ITGBL1: variants seen among roughly 807,000 people sequenced by gnomAD.
The protein encoded by ITGBL1 is integrin subunit beta like 1.
In ITGBL1, 51 loss-of-function variants were observed where a neutral mutation model predicts 68.5. The observed-to-expected ratio is 0.74, with a 90% confidence interval of 0.59 to 0.94. ITGBL1 has a LOEUF of 0.94. ITGBL1 is among the 40% of genes least tolerant of loss of function. ITGBL1 has a pLI of 0.00. For missense variants in ITGBL1, 649 were observed against 647.4 expected, an observed-to-expected ratio of 1.00 and a Z score of -0.03; for synonymous variants, 209 against 227.3, an observed-to-expected ratio of 0.92 and a Z score of 0.72.
intron 2 of ITGBL1, among the ~76,000 whole-genome samples, chr13:101,461,335 T>C (rs1165417277): frequency 6.6e-6 from 1 of 152,158 alleles, no homozygotes. Flanking sequence ...GAGCCTCATA[T>C]ACATATTGTT....
intron 8 of ITGBL1, among the ~76,000 whole-genome samples, chr13:101,696,587 G>T (rs2034007162): frequency 6.6e-6 from 1 of 151,978 alleles, no homozygotes; most frequent in Non-Finnish European, 1.5e-5. Context: ...ATTCTTCCAT[G>T]ATTTTTCCAA....
At chr13:101,458,377 G>A (rs561678074) in intron 2 of ITGBL1, among the ~76,000 whole-genome samples, 1 of 152,292 alleles carries the variant, frequency 6.6e-6, no homozygotes, top group South Asian at 2.1e-4. Context: ...GTGGATGTTT[G>A]GGAAATAGGG....
intron 8 of ITGBL1, among the ~76,000 whole-genome samples, chr13:101,701,911 A>G (rs866134520): frequency 6.5e-4 from 99 of 152,276 alleles, no homozygotes; most frequent in Non-Finnish European, 1.2e-3. Flanking sequence ...CTAGAGATGA[A>G]TGGTGGTGAT....
intron 7 of ITGBL1, among the ~76,000 whole-genome samples, chr13:101,643,201 G>A (rs10851135): frequency 0.045 from 6,781 of 151,240 alleles, 166 homozygotes; most frequent in East Asian, 0.17. Context: ...CATGAGCATG[G>A]AATGTTCTTC....
At chr13:101,660,731 C>G (rs192022886) in intron 7 of ITGBL1, among the ~76,000 whole-genome samples, 2 of 152,306 alleles carry the variant, frequency 1.3e-5, no homozygotes, top group Admixed American at 1.3e-4. Context: ...ACCCTTGAGG[C>G]TAGAAGCAAG....
intron 8 of ITGBL1, 188 bp downstream of exon 8, chr13:101,692,889 T>G (rs2139557147): frequency 1.8e-6 from 1 of 569,336 alleles, no homozygotes; most frequent in Non-Finnish European, 3.1e-6. Context: ...AACTCTTTAT[T>G]TAGCAGGTAT....
At chr13:101,598,974 T>C (rs2030177511) in intron 7 of ITGBL1, among the ~76,000 whole-genome samples, 1 of 152,188 alleles carries the variant, frequency 6.6e-6, no homozygotes, top group African/African-American at 2.4e-5. Flanking sequence ...CTGAGTCAAA[T>C]GGTATTTCTA....
intron 2 of ITGBL1, among the ~76,000 whole-genome samples, chr13:101,539,836 T>G (rs941922117): frequency 2.0e-4 from 31 of 152,156 alleles, no homozygotes; most frequent in African/African-American, 7.2e-4. Flanking sequence ...GTCTTTTGGC[T>G]GCATAAATGT....
At chr13:101,646,571 C>T (rs960210900) in intron 7 of ITGBL1, among the ~76,000 whole-genome samples, 2 of 152,068 alleles carry the variant, frequency 1.3e-5, no homozygotes, top group African/African-American at 4.8e-5. Flanking sequence ...GAATAAAGAG[C>T]CTTAAACATC....
rs150659546 is a variant in ITGBL1, at chr13:101,471,532, ATGTGTGTG to A, written c.316+17462_316+17469del. ...TATATGTGTGTGTGTGTGTGTATGT[ATGTGTGTG>A]TGTGTGTGTGTGTGTGTGTGTGTGT... On this transcript the variant is annotated intron_variant, in intron 2 of 10. Coordinates refer to ENST00000376180, the MANE Select transcript of ITGBL1 (RefSeq NM_004791.3). Among the ~76,000 whole-genome samples, 437 of 110,488 alleles carry A rather than the reference ATGTGTGTG, an allele frequency of 4.0e-3. 4 individuals carry two copies. Among genetic ancestry groups the A allele is most frequent in the South Asian group, 0.014 (50 of 3,544 alleles). 72.5% of individuals were successfully genotyped at this position (110,488 alleles called of 152,430 possible).
intron 3 of ITGBL1, 57 bp from the exon 4 acceptor site, chr13:101,575,367 A>G (rs1373710274): frequency 7.3e-6 from 11 of 1,507,372 alleles, no homozygotes; most frequent in Non-Finnish European, 9.1e-6. Flanking sequence ...ATAAAAATTC[A>G]TTAATTATAA....
At chr13:101,645,895 A>G (rs2032541150) in intron 7 of ITGBL1, among the ~76,000 whole-genome samples, 1 of 152,184 alleles carries the variant, frequency 6.6e-6, no homozygotes, top group Non-Finnish European at 1.5e-5. Context: ...GAAAAATCCT[A>G]GTATTTAGCT....
At chr13:101,593,719 T>C (rs1417049766) in intron 6 of ITGBL1, among the ~76,000 whole-genome samples, 4 of 151,972 alleles carry the variant, frequency 2.6e-5, no homozygotes, top group South Asian at 2.1e-4. Context: ...ATTGAAATCA[T>C]AGAAGCAGAG....
In ITGBL1 at chr13:101,714,454, G is replaced by T. The variant is rs766809230; in HGVS notation, c.1296G>T (p.Gly432=). 5.6e-6 allele frequency: 9 copies of T among 1,605,828 alleles called. No homozygotes were observed. In the South Asian group the frequency reaches 9.9e-5, roughly 18 times the overall value. ...TAATTTCAGGTTCTTGTCATTGTGG[G>T]AAGTGCATTTGTTCTGCTGAAGAGT... The part of the protein sequence containing the change: ...LCSGKGSCHC[G]KCICSAEEWY... The change falls in exon 10 of 11, where the codon GGG becomes GGT. Residue 432 remains glycine, a synonymous_variant. Coordinates refer to ENST00000376180, the MANE Select transcript of ITGBL1 (RefSeq NM_004791.3).
At position 101,453,928 on chromosome 13, in the gene ITGBL1, G is replaced by T; in HGVS notation, c.144G>T (p.Glu48Asp). ...AACRLSRAES[E>D]RRCRAPGQPP... ...GCAGGCTGTCCCGGGCCGAGTCGGA[G>T]CGACGCTGCCGCGCACCTGGGCAGC... Residue 48 changes from glutamate to aspartate, a missense_variant, in exon 2 of 11, where the codon GAG (glutamate) becomes GAT (aspartate). Coordinates refer to ENST00000376180, the MANE Select transcript of ITGBL1 (RefSeq NM_004791.3). 7.3e-7 allele frequency: 1 copy of T among 1,365,768 alleles called. No individual in the cohort carries two copies. The highest frequency in any genetic ancestry group is 9.5e-7 in the Non-Finnish European group (1 of 1,056,310). The allele number at this position is 1,365,768 out of a possible 1,614,324, so 84.6% of individuals were successfully genotyped here.
chr13:101,561,517 A>G (rs756170091), intron 2 of ITGBL1, among the ~76,000 whole-genome samples: 19 of 152,224 alleles, frequency 1.2e-4, no homozygotes, highest in Non-Finnish European at 2.4e-4. Context: ...CGAAGAAAAC[A>G]TATCACACAA....
At chr13:101,518,157 C>T (rs745970082) in intron 2 of ITGBL1, among the ~76,000 whole-genome samples, 9 of 152,158 alleles carry the variant, frequency 5.9e-5, no homozygotes, top group Non-Finnish European at 1.3e-4. Context: ...GACTCCTGGT[C>T]AGTACAACCG....
intron 7 of ITGBL1, among the ~76,000 whole-genome samples, chr13:101,650,834 C>A (rs8001835): frequency 3.3e-5 from 5 of 152,008 alleles, no homozygotes; most frequent in Admixed American, 1.3e-4. Context: ...TCTGCTCCCC[C>A]ACAGCCCACT....
chr13:101,452,972 C>A, intron 1 of ITGBL1, 41 bp downstream of exon 1: 1 of 1,525,962 alleles, frequency 6.6e-7, no homozygotes, highest in Non-Finnish European at 9.1e-7. Flanking sequence ...ACCTGCCCTG[C>A]TTATGTGGCA....
Sources: allele counts gnomAD v4.1 joint callset (sites outside exome capture counted in the v4.1 genomes callset), GRCh38; gene constraint gnomAD v4.1.1; transcripts MANE v1.5; gene names NCBI Gene and HGNC (gene_info 2026-07-23, HGNC 2026-07-21).